MKLN1: variants seen among roughly 807,000 people sequenced by gnomAD.
MKLN1 encodes muskelin 1, also known as muskelin.
In MKLN1, 18 loss-of-function variants were observed where a neutral mutation model predicts 99.0. The observed-to-expected ratio is 0.18, with a 90% CI of 0.13 to 0.27. The LOEUF is 0.27. Ranked by LOEUF, MKLN1 falls within the 10% of genes least tolerant of loss-of-function variation. The pLI, the probability that MKLN1 is intolerant of heterozygous loss-of-function variation, is 1.00. For synonymous variants in MKLN1, 288 were observed against 293.2 expected, an observed-to-expected ratio of 0.98 and a Z score of 0.18; for missense variants, 621 against 875.9, an observed-to-expected ratio of 0.71 and a Z score of 3.67.
chr7:131,251,670 C>CTT (rs71311093), intron 3 of MKLN1, among the ~76,000 whole-genome samples: 12,690 of 143,766 alleles, frequency 0.088, 592 homozygotes, highest in Middle Eastern at 0.14. Context: ...GCAACATTTT[C>CTT]TTTTTTTTTT....
intron 1 of MKLN1, among the ~76,000 whole-genome samples, chr7:131,355,832 T>C (rs1413017905): frequency 6.6e-6 from 1 of 151,614 alleles, no homozygotes; most frequent in Non-Finnish European, 1.5e-5. Flanking sequence ...AGCCTTGATA[T>C]TTTTTTCTAA....
intron 3 of MKLN1, chr7:131,242,603 C>A: frequency 4.1e-6 from 2 of 489,962 alleles, no homozygotes; most frequent in South Asian, 3.8e-5. Context: ...TGGGCAAGTT[C>A]ATGAAACCTG....
chr7:131,343,582 G>A (rs1194273257), intron 1 of MKLN1, among the ~76,000 whole-genome samples: 1 of 152,004 alleles, frequency 6.6e-6, no homozygotes, highest in African/African-American at 2.4e-5. Context: ...ATTCCCTTCT[G>A]TTTATTTATA....
At chr7:131,295,791 A>G (rs1044149206) in intron 3 of MKLN1, among the ~76,000 whole-genome samples, 1 of 151,418 alleles carries the variant, frequency 6.6e-6, no homozygotes, top group African/African-American at 2.4e-5. Flanking sequence ...AGGCTGAGGC[A>G]GGAGAACTGC....
At position 131,364,650 on chromosome 7, in the gene MKLN1, C is replaced by A. The variant is rs181818596; in HGVS notation, c.99-10774C>A. On this transcript the variant is annotated intron_variant, in intron 1 of 17. Coordinates refer to ENST00000352689, the MANE Select transcript of MKLN1 (RefSeq NM_013255.5). Reference sequence around the variant, plus strand: ...CTCCCACCCTCCACCCTCAAGTAGTCCCAAGTGTCTGTTGTTTGCTTCTTT... The same window carrying A: ...CTCCCACCCTCCACCCTCAAGTAGTACCAAGTGTCTGTTGTTTGCTTCTTT... Among the ~76,000 whole-genome samples, 7 of 152,110 alleles carry A rather than the reference C, an allele frequency of 4.6e-5. No individual in the cohort carries two copies. In the East Asian group the frequency reaches 1.4e-3, roughly 29 times the overall value.
chr7:131,444,353 G>A (rs1795932149), intron 11 of MKLN1, among the ~76,000 whole-genome samples: 4 of 151,752 alleles, frequency 2.6e-5, no homozygotes, highest in Admixed American at 2.6e-4. Context: ...CTGACCTCAG[G>A]TGATCCACCC....
At chr7:131,353,838 A>G (rs1237189458) in intron 1 of MKLN1, among the ~76,000 whole-genome samples, 1 of 138,704 alleles carries the variant, frequency 7.2e-6, no homozygotes, top group East Asian at 2.1e-4. Context: ...ATAGTTGTCC[A>G]GTTGCTCTAG....
intron 3 of MKLN1, among the ~76,000 whole-genome samples, chr7:131,307,191 A>C (rs1798480809): frequency 6.6e-6 from 1 of 152,194 alleles, no homozygotes; most frequent in Non-Finnish European, 1.5e-5. Context: ...GTAGGTGTGC[A>C]GAAGGCAACA....
At chr7:131,161,925 A>G (rs575473330) in intron 2 of MKLN1, among the ~76,000 whole-genome samples, 86 of 146,892 alleles carry the variant, frequency 5.9e-4, no homozygotes, top group African/African-American at 2.1e-3. Flanking sequence ...AGTATGTTAT[A>G]TATACATATA....
At chr7:131,439,384 G>A (rs1159354573) in intron 10 of MKLN1, among the ~76,000 whole-genome samples, 1 of 151,970 alleles carries the variant, frequency 6.6e-6, no homozygotes, top group Non-Finnish European at 1.5e-5. Context: ...TTATAAAATA[G>A]GATGTTTCTT....
intron 2 of MKLN1, among the ~76,000 whole-genome samples, chr7:131,377,257 C>G (rs1793692542): frequency 6.6e-6 from 1 of 152,130 alleles, no homozygotes; most frequent in Non-Finnish European, 1.5e-5. Flanking sequence ...TAACAGAAGA[C>G]TGTTTTACAA....
intron 15 of MKLN1, 101 bp from the exon 16 acceptor site, chr7:131,470,741 T>G: frequency 2.7e-6 from 2 of 752,454 alleles, no homozygotes; most frequent in Middle Eastern, 2.5e-4. Context: ...CCAGAACAAC[T>G]CCTCATACTC....
chr7:131,328,552 G>A (rs1391301633), intron 1 of MKLN1, among the ~76,000 whole-genome samples: 1 of 152,164 alleles, frequency 6.6e-6, no homozygotes, highest in Non-Finnish European at 1.5e-5. Flanking sequence ...CTGAATCCTA[G>A]CAGGCGGGGA....
chr7:131,369,000 TCA>T (rs57537888), intron 1 of MKLN1, among the ~76,000 whole-genome samples: 74,116 of 149,440 alleles, frequency 0.5, 18,557 homozygotes, highest in East Asian at 0.68. Flanking sequence ...ATCTGTATAA[TCA>T]CACACACACA....
rs1800013410 is a variant in MKLN1, at chr7:131,361,015, T to C, written c.99-14409T>C. On this transcript the variant is annotated intron_variant, in intron 1 of 17. Coordinates refer to ENST00000352689, the MANE Select transcript of MKLN1 (RefSeq NM_013255.5). ...GCATAGTTTCTGATGAGAAATCCAA[T>C]GTAATTCTTCTCCTTGTTTCTCTAT... 1.3e-5 allele frequency among the ~76,000 whole-genome samples: 2 copies of C among 152,138 alleles called. 1 individual carries two copies. Among genetic ancestry groups the C allele is most frequent in the Admixed American group, 1.3e-4 (2 of 15,266 alleles).
Position 131,353,342 on chromosome 7 carries a change from T to C in MKLN1, c.99-22082T>C, listed in dbSNP as rs545998091. Among the ~76,000 whole-genome samples the C allele has an allele frequency of 6.6e-5, 10 of 152,258 alleles. No homozygotes were observed. The South Asian group carries it at 1.2e-3, about 19-fold the overall frequency. On this transcript the variant is annotated intron_variant, in intron 1 of 17. Coordinates refer to ENST00000352689, the MANE Select transcript of MKLN1 (RefSeq NM_013255.5). ...GATATCTGATTTTTTTTTATTCCTCTAATGGCTAGTAATGTTGCACATCTC... is the reference window on the plus strand; with the variant it reads ...GATATCTGATTTTTTTTTATTCCTCCAATGGCTAGTAATGTTGCACATCTC...
intron 8 of MKLN1, 42 bp downstream of exon 8, chr7:131,414,752 A>C (rs765838199): frequency 1.6e-5 from 18 of 1,151,336 alleles, no homozygotes; most frequent in Non-Finnish European, 2.1e-5. Flanking sequence ...TTCATTGGCT[A>C]CAGGCATCGT....
rs1794113010 is a variant in MKLN1, at chr7:131,388,912, A to C, written c.340A>C (p.Thr114Pro). The C allele has an allele frequency of 1.2e-6, 2 of 1,610,680 alleles. No homozygotes were observed. Among genetic ancestry groups the C allele is most frequent in the Non-Finnish European group, 1.7e-6 (2 of 1,178,072 alleles). The change falls in exon 4 of 18, where the codon ACA becomes CCA. Residue 114 changes from threonine to proline, a missense_variant. Thr to Pro is a conservative substitution (Grantham distance 38). This residue lies in a region of MKLN1 where 361 missense variants were observed against 540.8 expected (regional missense o/e 0.67). Transcript: ENST00000352689. Reference sequence around the variant, plus strand: ...CTTAAAGAATGATTATAACAAAGAAACATTCACCTTGAAGCATAAAATTGA... The same window carrying C: ...CTTAAAGAATGATTATAACAAAGAACCATTCACCTTGAAGCATAAAATTGA... ...SGLKNDYNKE[T>P]FTLKHKIDEQ... is the part of the protein sequence containing the mutation.
intron 3 of MKLN1, among the ~76,000 whole-genome samples, chr7:131,287,636 G>A (rs759957037): frequency 1.3e-5 from 2 of 151,720 alleles, no homozygotes; most frequent in Non-Finnish European, 2.9e-5. Flanking sequence ...CCAGAGATTC[G>A]GCTGTGGGCA....
Sources: allele counts gnomAD v4.1 joint callset (sites outside exome capture counted in the v4.1 genomes callset), GRCh38; gene constraint gnomAD v4.1.1; regional missense constraint gnomAD v4.1.1; transcripts MANE v1.5; gene names NCBI Gene and HGNC (gene_info 2026-07-23, HGNC 2026-07-21).